Variants in DIP2C observed in about 807,000 individuals in gnomAD.
The protein encoded by DIP2C is DIP2 acetate--CoA ligase C (putative).
In DIP2C, 33 loss-of-function variants were observed where a neutral mutation model predicts 192.4. The ratio of observed to expected loss-of-function variants is 0.17; its 90% CI spans 0.13 to 0.23. DIP2C has a LOEUF of 0.23. Ranked by LOEUF, DIP2C falls within the 10% of genes least tolerant of loss-of-function variation. DIP2C has a pLI of 1.00. For synonymous variants in DIP2C, 979 were observed against 864.1 expected, an observed-to-expected ratio of 1.13 and a Z score of -2.33; for missense variants, 1,537 against 2,110.1, an observed-to-expected ratio of 0.73 and a Z score of 5.32.
At chr10:541,350 AAC>A (rs1407163891) in intron 1 of DIP2C, among the ~76,000 whole-genome samples, 2 of 152,168 alleles carry the variant, frequency 1.3e-5, no homozygotes, top group South Asian at 2.1e-4. Context: ...CAAAAGCAAA[AAC>A]ACATTTCCCA....
At chr10:461,159 C>T (rs1032830664) in intron 3 of DIP2C, among the ~76,000 whole-genome samples, 1 of 152,162 alleles carries the variant, frequency 6.6e-6, no homozygotes, top group Non-Finnish European at 1.5e-5. Context: ...GCAAAATAAC[C>T]AGCTAGCATC....
intron 1 of DIP2C, among the ~76,000 whole-genome samples, chr10:527,582 AGT>A (rs557743792): frequency 9.0e-4 from 137 of 152,368 alleles, no homozygotes; most frequent in Admixed American, 2.4e-3. Flanking sequence ...TGTACTACAG[AGT>A]GTCAAATAAC....
intron 1 of DIP2C, among the ~76,000 whole-genome samples, chr10:687,710 T>C (rs1016016101): frequency 3.9e-5 from 6 of 152,106 alleles, no homozygotes; most frequent in Non-Finnish European, 8.8e-5. Context: ...ACAGTATCAC[T>C]CACCCTCCAA....
Position 383,056 on chromosome 10 carries a change from G to A in DIP2C, c.1877-295C>T, listed in dbSNP as rs374880310. ...ACCATTTTCAGTACAGAAGTTCCAA[G>A]ACAGGGGTAAATCTAAACCAAATGA... is the stretch of plus-strand genomic sequence containing the variant. On this transcript the variant is annotated intron_variant, in intron 16 of 36. Transcript: ENST00000280886. Among the ~76,000 whole-genome samples the A allele has an allele frequency of 1.5e-3, 224 of 152,294 alleles. 2 individuals are homozygous for A. The highest frequency in any genetic ancestry group is 5.2e-3 in the African/African-American group (217 of 41,562).
At chr10:361,176 T>C (rs1959442613) in intron 22 of DIP2C, among the ~76,000 whole-genome samples, 1 of 152,206 alleles carries the variant, frequency 6.6e-6, no homozygotes, top group South Asian at 2.1e-4. Flanking sequence ...ATATATATAC[T>C]ATTTTCTTTC....
At chr10:470,978 G>T (rs1970581934) in intron 3 of DIP2C, among the ~76,000 whole-genome samples, 1 of 152,172 alleles carries the variant, frequency 6.6e-6, no homozygotes, top group Non-Finnish European at 1.5e-5. Flanking sequence ...GGAAGCGTTG[G>T]TCACAGGCTG....
intron 4 of DIP2C, among the ~76,000 whole-genome samples, chr10:425,604 G>A (rs1966543102): frequency 6.6e-6 from 1 of 150,386 alleles, no homozygotes; most frequent in African/African-American, 2.5e-5. Flanking sequence ...GATGCAGCAT[G>A]ACCAGCGGTG....
At chr10:540,153 G>A (rs1447190498) in intron 1 of DIP2C, among the ~76,000 whole-genome samples, 2 of 152,216 alleles carry the variant, frequency 1.3e-5, no homozygotes, top group African/African-American at 4.8e-5. Flanking sequence ...ATGAGAACAG[G>A]TAGAGTGTTA....
At chr10:352,147 A>C (rs1958843377) in intron 24 of DIP2C, among the ~76,000 whole-genome samples, 1 of 152,230 alleles carries the variant, frequency 6.6e-6, no homozygotes, top group Non-Finnish European at 1.5e-5. Context: ...GGAGAGCTGA[A>C]GCTGATTTCC....
At chr10:569,789 G>C (rs1588481555) in intron 1 of DIP2C, among the ~76,000 whole-genome samples, 1 of 152,132 alleles carries the variant, frequency 6.6e-6, no homozygotes, top group Non-Finnish European at 1.5e-5. Flanking sequence ...AGGGAGGAGA[G>C]AGGATGGCCA....
intron 3 of DIP2C, among the ~76,000 whole-genome samples, chr10:462,727 A>G (rs968490135): frequency 2.6e-5 from 4 of 152,236 alleles, no homozygotes; most frequent in African/African-American, 9.6e-5. Context: ...ACAAAAAAAG[A>G]AAATGTCAGG....
chr10:509,773 G>A (rs940762986), intron 1 of DIP2C, among the ~76,000 whole-genome samples: 17 of 151,974 alleles, frequency 1.1e-4, no homozygotes, highest in East Asian at 1.9e-4. Flanking sequence ...TGGAGAGGAC[G>A]GGGCGCCGCA....
intron 3 of DIP2C, among the ~76,000 whole-genome samples, chr10:462,731 T>C (rs543742363): frequency 1.3e-5 from 2 of 152,128 alleles, no homozygotes; most frequent in South Asian, 2.1e-4. Flanking sequence ...AAAAAGAAAA[T>C]GTCAGGCCGA....
chr10:472,660 G>T, intron 2 of DIP2C, 111 bp from the exon 3 acceptor site: 1 of 963,120 alleles, frequency 1.0e-6, no homozygotes, highest in Non-Finnish European at 1.6e-6. Context: ...CTACCCACGG[G>T]ACTGGGCATG....
chr10:555,557 CAGAAG>C (rs1041689926), intron 1 of DIP2C, among the ~76,000 whole-genome samples: 31 of 152,216 alleles, frequency 2.0e-4, no homozygotes, highest in Admixed American at 1.8e-3. Flanking sequence ...TGAAAGCAAA[CAGAAG>C]AGAAGGCAGG....
At chr10:448,075 A>T (rs1393814962) in intron 3 of DIP2C, among the ~76,000 whole-genome samples, 2 of 129,676 alleles carry the variant, frequency 1.5e-5, no homozygotes, top group Non-Finnish European at 3.0e-5. Context: ...ATCCCCGTCT[A>T]TACTCAGGAT....
intron 1 of DIP2C, among the ~76,000 whole-genome samples, chr10:649,313 G>C (rs920663275): frequency 6.7e-6 from 1 of 149,814 alleles, no homozygotes; most frequent in Admixed American, 6.6e-5. Context: ...GGGAAACTGA[G>C]TCCACGTCCA....
chr10:535,547 T>C (rs1847650057), intron 1 of DIP2C, among the ~76,000 whole-genome samples: 1 of 152,014 alleles, frequency 6.6e-6, no homozygotes, highest in Non-Finnish European at 1.5e-5. Context: ...TACCTTAAGC[T>C]AAAAATGGTT....
At chr10:604,168 TCTCA>T (rs1457709435) in intron 1 of DIP2C, among the ~76,000 whole-genome samples, 1 of 151,974 alleles carries the variant, frequency 6.6e-6, no homozygotes, top group Non-Finnish European at 1.5e-5. Context: ...TCCTCCCCCA[TCTCA>T]CTGTCTGTTA....
Sources: allele counts gnomAD v4.1 joint callset (sites outside exome capture counted in the v4.1 genomes callset), GRCh38; gene constraint gnomAD v4.1.1; transcripts MANE v1.5; gene names NCBI Gene and HGNC (gene_info 2026-07-23, HGNC 2026-07-21).